The following GSR variants were observed in gnomAD, a reference collection of about 807,000 sequenced individuals.
The protein encoded by GSR is glutathione reductase, mitochondrial.
Under a neutral mutation model 56.5 loss-of-function variants are expected in GSR, and 48 were observed. The observed-to-expected ratio is 0.85, with a 90% CI of 0.67 to 1.08. The LOEUF (loss-of-function observed/expected upper bound fraction) is 1.08. Ranked by LOEUF, GSR falls within the 50% of genes least tolerant of loss-of-function variation. The pLI is 0.00. For missense variants in GSR, 694 were observed against 703.3 expected, an observed-to-expected ratio of 0.99 and a Z score of 0.15; for synonymous variants, 264 against 270.8, an observed-to-expected ratio of 0.97 and a Z score of 0.25.
intron 7 of GSR, among the ~76,000 whole-genome samples, chr8:30,694,505 G>A (rs1042054784): frequency 9.2e-5 from 14 of 152,188 alleles, no homozygotes; most frequent in African/African-American, 3.1e-4. Context: ...TAGAGATGGG[G>A]GTCTCACTAT....
chr8:30,722,286 A>T (rs929818617), intron 1 of GSR, among the ~76,000 whole-genome samples: 2 of 152,220 alleles, frequency 1.3e-5, no homozygotes, highest in Non-Finnish European at 2.9e-5. Context: ...TCACTTATGA[A>T]TATGGGTGGG....
At chr8:30,695,464 C>T (rs1803513088) in intron 7 of GSR, among the ~76,000 whole-genome samples, 1 of 151,996 alleles carries the variant, frequency 6.6e-6, no homozygotes, top group South Asian at 2.1e-4. Flanking sequence ...CAACTCCTGA[C>T]CTCAAGTGAT....
chr8:30,714,368 G>A (rs1027729196), intron 1 of GSR, among the ~76,000 whole-genome samples: 2 of 151,894 alleles, frequency 1.3e-5, no homozygotes, highest in African/African-American at 4.8e-5. Context: ...TCACCGCCAT[G>A]CCTGGTATTT....
chr8:30,699,685 C>G (rs1033650846), intron 6 of GSR, among the ~76,000 whole-genome samples: 13 of 151,782 alleles, frequency 8.6e-5, no homozygotes, highest in Admixed American at 8.6e-4. Flanking sequence ...CTCAGGTGAT[C>G]TGCCCGCTTC....
At chr8:30,722,024 A>G (rs888167471) in intron 1 of GSR, among the ~76,000 whole-genome samples, 3 of 152,136 alleles carry the variant, frequency 2.0e-5, no homozygotes, top group African/African-American at 4.8e-5. Context: ...AAAAAAAAAA[A>G]AAAGCATTCT....
At chr8:30,708,476 C>T (rs8190952) in intron 3 of GSR, among the ~76,000 whole-genome samples, 4 of 152,134 alleles carry the variant, frequency 2.6e-5, no homozygotes, top group African/African-American at 7.2e-5. Context: ...AATAAATTTG[C>T]TAAATTTCTT....
intron 1 of GSR, 57 bp downstream of exon 1, chr8:30,727,473 C>A: frequency 6.9e-7 from 1 of 1,454,964 alleles, no homozygotes; most frequent in South Asian, 1.2e-5. Flanking sequence ...ACAGGCTGTC[C>A]CCCGAAAGAC....
rs564854143 is a variant in GSR at position 30,724,093 on chromosome 8, C to T, written c.306+3437G>A. On this transcript the variant is annotated intron_variant, in intron 1 of 12. Coordinates refer to ENST00000221130, the MANE Select transcript of GSR (RefSeq NM_000637.5). Reference sequence around the variant, plus strand: ...GGGAGAACCAATCTTAAACTTCTGCCGTGCACAGTGGCTCACGCCTGTAAT... The same window carrying T: ...GGGAGAACCAATCTTAAACTTCTGCTGTGCACAGTGGCTCACGCCTGTAAT... 1.4e-4 allele frequency among the ~76,000 whole-genome samples: 22 copies of T among 152,210 alleles called. No homozygotes were observed. The South Asian group carries it at 4.1e-3, about 29-fold the overall frequency.
intron 4 of GSR, 100 bp from the exon 5 acceptor site, chr8:30,703,340 T>C (rs565773320): frequency 8.7e-7 from 1 of 1,154,494 alleles, no homozygotes; most frequent in African/African-American, 1.5e-5. Context: ...ACATTTTGAT[T>C]CTTGGTTTGC....
At chr8:30,723,473 C>G (rs1804617631) in intron 1 of GSR, among the ~76,000 whole-genome samples, 1 of 152,108 alleles carries the variant, frequency 6.6e-6, no homozygotes, top group African/African-American at 2.4e-5. Flanking sequence ...GCCTGGGAAA[C>G]AGAGGGAGAC....
At chr8:30,690,269 C>T (rs1803338744) in intron 8 of GSR, among the ~76,000 whole-genome samples, 1 of 151,548 alleles carries the variant, frequency 6.6e-6, no homozygotes, top group Non-Finnish European at 1.5e-5. Flanking sequence ...AAGCTCTCCT[C>T]CCACTTCAGC....
At chr8:30,720,350 T>C (rs1804490880) in intron 1 of GSR, among the ~76,000 whole-genome samples, 2 of 152,130 alleles carry the variant, frequency 1.3e-5, no homozygotes, top group Admixed American at 6.6e-5. Context: ...ACTCAGAAAA[T>C]AGACGAGTCA....
chr8:30,685,006 G>C (rs547246238), intron 9 of GSR, among the ~76,000 whole-genome samples: 12 of 151,268 alleles, frequency 7.9e-5, no homozygotes, highest in Non-Finnish European at 1.8e-4. Flanking sequence ...GTCTCGCTCT[G>C]TCGCCCAGGC....
At chr8:30,699,165 T>A (rs1267320350) in intron 6 of GSR, among the ~76,000 whole-genome samples, 1 of 151,836 alleles carries the variant, frequency 6.6e-6, no homozygotes, top group African/African-American at 2.4e-5. Flanking sequence ...GTGGTGCACG[T>A]TTGTAGTCCC....
chr8:30,688,079 C>A (rs1803222442), intron 9 of GSR, among the ~76,000 whole-genome samples: 2 of 152,156 alleles, frequency 1.3e-5, no homozygotes, highest in South Asian at 4.1e-4. Context: ...TGCCAACTGT[C>A]CACAAATACA....
Position 30,689,317 on chromosome 8 carries a change from G to C in GSR, c.885C>G (p.Val295=), listed in dbSNP as rs1251006281. 1 of 1,613,554 alleles carries C rather than the reference G, an allele frequency of 6.2e-7. No homozygotes were observed. The highest frequency in any genetic ancestry group is 8.5e-7 in the Non-Finnish European group (1 of 1,179,464). ...CCGACAAAGTCTTTTTAACCTCCTT[G>C]ACCTATTGGCAAATAAAATGTGTTA... ...AGVEVLKFSQ[V]KEVKKTLSGL... is the part of the protein sequence containing the mutation. The change falls in exon 9 of 13, where the codon GTC becomes GTG. Residue 295 remains valine (V), a splice_region_variant and synonymous_variant. Coordinates refer to ENST00000221130, the MANE Select transcript of GSR (RefSeq NM_000637.5).
chr8:30,691,525 AC>A (rs903553166), intron 8 of GSR, among the ~76,000 whole-genome samples: 1 of 151,136 alleles, frequency 6.6e-6, no homozygotes, highest in Admixed American at 6.6e-5. Context: ...TACTGAAAAT[AC>A]AAAAATTAGC....
At chr8:30,722,532 C>CAGTT (rs1804575490) in intron 1 of GSR, among the ~76,000 whole-genome samples, 1 of 151,960 alleles carries the variant, frequency 6.6e-6, no homozygotes, top group Admixed American at 6.6e-5. Flanking sequence ...TCGAGACCAG[C>CAGTT]CTGGGCAACA....
intron 5 of GSR, 95 bp from the exon 6 acceptor site, chr8:30,700,230 G>A (rs1424351707): frequency 4.5e-6 from 4 of 896,548 alleles, no homozygotes; most frequent in African/African-American, 1.6e-5. Flanking sequence ...CACTTTCACA[G>A]CCAACATAGT....
Sources: allele counts gnomAD v4.1 joint callset (sites outside exome capture counted in the v4.1 genomes callset), GRCh38; gene constraint gnomAD v4.1.1; transcripts MANE v1.5; gene names NCBI Gene and HGNC (gene_info 2026-07-23, HGNC 2026-07-21).